SCUBE3: variants seen among roughly 807,000 people sequenced by gnomAD.
The protein encoded by SCUBE3 is signal peptide, CUB and EGF-like domain-containing protein 3.
In SCUBE3, 33 loss-of-function variants were observed where a neutral mutation model predicts 116.8. The observed-to-expected ratio is 0.28, with a 90% confidence interval of 0.21 to 0.38. SCUBE3 has a LOEUF of 0.38. SCUBE3 is among the 10% of genes least tolerant of loss of function. The pLI is 1.00. For missense variants in SCUBE3, 1,007 were observed against 1,324.8 expected (o/e 0.76, Z 3.72); for synonymous variants, 418 against 496.9 (o/e 0.84, Z 2.11).
rs1562055118 is a variant in SCUBE3 at position 35,241,014 on chromosome 6, G to A, written c.1070-127G>A. On this transcript the variant is annotated intron_variant, in intron 9 of 21. Transcript: ENST00000274938. The surrounding 1 kb of genome is among the most constrained non-coding windows in gnomAD (Gnocchi z 4.1). The stretch of plus-strand genomic sequence containing the variant: ...CACACTGTTGTACAGTAGATCTCTC[G>A]AACTTATTCATCTTGCGTAATGCAG... The A allele has an allele frequency of 8.0e-6, 7 of 874,238 alleles. No individual in the cohort carries two copies. The East Asian group carries it at 9.9e-5, about 12-fold the overall frequency. 54.2% of individuals were successfully genotyped at this position (874,238 alleles called of 1,614,324 possible).
intron 1 of SCUBE3, chr6:35,222,745 G>C (rs187357275): frequency 7.9e-5 from 12 of 152,360 alleles, no homozygotes; most frequent in African/African-American, 2.9e-4. Context: ...GGTAGAGTAA[G>C]CAGTGGGGAT....
At chr6:35,216,271 C>T (rs1782887493) in intron 1 of SCUBE3, among the ~76,000 whole-genome samples, 1 of 152,240 alleles carries the variant, frequency 6.6e-6, no homozygotes, top group South Asian at 2.1e-4. Context: ...AGGGCTTCCA[C>T]TTTCATTGGA....
rs527626189 is a variant in SCUBE3 at position 35,237,680 on chromosome 6, G to A, written c.713-222G>A. Reference sequence around the variant, plus strand: ...GTCCACCTTGTTTCAATCAAGTAGGGGGCAGGGAAGTGGACTGCTTGGCTG... The same window carrying A: ...GTCCACCTTGTTTCAATCAAGTAGGAGGCAGGGAAGTGGACTGCTTGGCTG... On this transcript the variant is annotated intron_variant, in intron 6 of 21. Transcript: ENST00000274938. 3.9e-5 allele frequency among the ~76,000 whole-genome samples: 6 copies of A among 152,248 alleles called. No individual in the cohort carries two copies. The South Asian group carries it at 1.0e-3, about 26-fold the overall frequency.
rs1370747407 is a variant in SCUBE3, at chr6:35,235,879, G to A, written c.713-2023G>A. On this transcript the variant is annotated intron_variant, in intron 6 of 21. Transcript: ENST00000274938. The surrounding 1 kb of genome is among the most constrained non-coding windows in gnomAD (Gnocchi z 4.5). ...TGCCACCTGAGATAGGGGTGCGATA[G>A]GATTAGATGCCATCCCCTCCTTGGG... Among the ~76,000 whole-genome samples, 1 of 151,824 alleles carries A rather than the reference G, an allele frequency of 6.6e-6. No individual in the cohort carries two copies. The highest frequency in any genetic ancestry group is 1.5e-5 in the Non-Finnish European group (1 of 67,992).
chr6:35,244,507 C>A lies in SCUBE3; in HGVS notation c.2240-143C>A. On this transcript the variant is annotated intron_variant, in intron 17 of 21. Coordinates refer to ENST00000274938, the MANE Select transcript of SCUBE3 (RefSeq NM_152753.4). This position sits in a 1 kb window ranked among gnomAD's most constrained non-coding sequence, Gnocchi z 4.3. ...TCCGTGGGCTTAAATTCTGGCATGA[C>A]TGGGAAAGATTGAGACCCTAGAAAA... 1.3e-6 allele frequency: 1 copy of A among 743,086 alleles called. No homozygotes were observed. Among genetic ancestry groups the A allele is most frequent in the Non-Finnish European group, 2.3e-6 (1 of 437,682 alleles). 46.0% of individuals were successfully genotyped at this position (743,086 alleles called of 1,614,324 possible). A position where few individuals can be genotyped will look rare whatever the true frequency, so the allele number is the denominator to read the frequency against.
At position 35,245,535 on chromosome 6, in the gene SCUBE3, C is replaced by A; in HGVS notation, c.2599+110C>A. The A allele has an allele frequency of 1.1e-6, 1 of 885,992 alleles. No individual in the cohort carries two copies. The highest frequency in any genetic ancestry group is 1.6e-5 in the African/African-American group (1 of 60,708). The allele number at this position is 885,992 out of a possible 1,614,324, so 54.9% of individuals were successfully genotyped here. A position where few individuals can be genotyped will look rare whatever the true frequency, so the allele number is the denominator to read the frequency against. On this transcript the variant is annotated intron_variant, in intron 19 of 21. Transcript: ENST00000274938. The surrounding 1 kb of genome is among the most constrained non-coding windows in gnomAD (Gnocchi z 4.2). ...GAAATGGGGCAGTGAAGTTAGGGATCTATGAGGGTGAAATAGTGAGAGGCC... is the reference window on the plus strand; with the variant it reads ...GAAATGGGGCAGTGAAGTTAGGGATATATGAGGGTGAAATAGTGAGAGGCC...
Position 35,245,120 on chromosome 6 carries a change from T to C in SCUBE3, c.2402-108T>C, listed in dbSNP as rs1032745086. 6 of 998,818 alleles carry C rather than the reference T, an allele frequency of 6.0e-6. No individual in the cohort carries two copies. The highest frequency in any genetic ancestry group is 7.8e-6 in the Non-Finnish European group (5 of 644,430). The allele number at this position is 998,818 out of a possible 1,614,324, so 61.9% of individuals were successfully genotyped here. A position where few individuals can be genotyped will look rare whatever the true frequency, so the allele number is the denominator to read the frequency against. On this transcript the variant is annotated intron_variant, in intron 18 of 21. Coordinates refer to ENST00000274938, the MANE Select transcript of SCUBE3 (RefSeq NM_152753.4). The surrounding 1 kb of genome is among the most constrained non-coding windows in gnomAD (Gnocchi z 4.2). ...AATAATGATGAACTAGAACGCAGAC[T>C]TCCCATAAATGTCTGACCTCTACTT...
chr6:35,239,534 T>C lies in SCUBE3; in HGVS notation c.830-218T>C, dbSNP rs886969539. Among the ~76,000 whole-genome samples the C allele has an allele frequency of 6.6e-6, 1 of 152,024 alleles. No homozygotes were observed. The highest frequency in any genetic ancestry group is 1.5e-5 in the Non-Finnish European group (1 of 68,008). Reference sequence around the variant, plus strand: ...TCAATCCCAGAAGAGAGGGTGTTACTAATGGCCACAGATCCCCTGAACAGG... The same window carrying C: ...TCAATCCCAGAAGAGAGGGTGTTACCAATGGCCACAGATCCCCTGAACAGG... On this transcript the variant is annotated intron_variant, in intron 7 of 21. Coordinates refer to ENST00000274938, the MANE Select transcript of SCUBE3 (RefSeq NM_152753.4). The surrounding 1 kb of genome is among the most constrained non-coding windows in gnomAD (Gnocchi z 4.1).
rs1428968466 is a variant in SCUBE3 at position 35,241,608 on chromosome 6, A to C, written c.1261A>C (p.Lys421Gln). Residue 421 changes from lysine (K) to glutamine (Q), a missense_variant, in exon 11 of 22, where the codon AAG becomes CAG. Physicochemically the swap from Lys to Gln is moderately conservative, Grantham distance 53. Transcript: ENST00000274938. The surrounding 1 kb of genome is among the most constrained non-coding windows in gnomAD (Gnocchi z 4.1). ...CATGCTCAGCTGCAACCGGTCTGGCAAGAAGGACACCTGTGCCCTGACCTG... is the reference window on the plus strand; with the variant it reads ...CATGCTCAGCTGCAACCGGTCTGGCCAGAAGGACACCTGTGCCCTGACCTG... Reference protein sequence around the residue: ...KAMLSCNRSGKKDTCALTCPS... With the variant: ...KAMLSCNRSGQKDTCALTCPS... 6.2e-7 allele frequency: 1 copy of C among 1,614,212 alleles called. No homozygotes were observed. The highest frequency in any genetic ancestry group is 2.2e-5 in the East Asian group (1 of 44,882).
chr6:35,225,842 A>G (rs996720012), intron 1 of SCUBE3, among the ~76,000 whole-genome samples: 3 of 152,246 alleles, frequency 2.0e-5, no homozygotes, highest in Non-Finnish European at 4.4e-5. Context: ...CAAAAAGGCT[A>G]TAATGAGTCC....
In SCUBE3 at chr6:35,214,685, C is replaced by T. The variant is rs1481460742; in HGVS notation, c.85+182C>T. Among the ~76,000 whole-genome samples, 1 of 152,210 alleles carries T rather than the reference C, an allele frequency of 6.6e-6. No homozygotes were observed. Among genetic ancestry groups the T allele is most frequent in the Non-Finnish European group, 1.5e-5 (1 of 68,030 alleles). On this transcript the variant is annotated intron_variant, in intron 1 of 21. Transcript: ENST00000274938. The surrounding 1 kb of genome is among the most constrained non-coding windows in gnomAD (Gnocchi z 6.3). ...TGGGCGCTGCGCCCCGAGCGAAAAG[C>T]CGGACAAGCTGGGGGCGGCAGAGAG...
At position 35,228,560 on chromosome 6, in the gene SCUBE3, T is replaced by C; in HGVS notation, c.209-54T>C. ...ACAACCATAAGGCTGAGTCTGGGGG[T>C]GGACAGTGGGTTCGCAGGTGGGTTC... On this transcript the variant is annotated intron_variant, in intron 2 of 21. Transcript: ENST00000274938. The surrounding 1 kb of genome is among the most constrained non-coding windows in gnomAD (Gnocchi z 4.9). 1 of 1,599,292 alleles carries C rather than the reference T, an allele frequency of 6.3e-7. No homozygotes were observed. Among genetic ancestry groups the C allele is most frequent in the East Asian group, 2.2e-5 (1 of 44,586 alleles).
In SCUBE3 at chr6:35,214,329, C is replaced by G; in HGVS notation, c.-90C>G. Reference sequence around the variant, plus strand: ...GCCCCGGCGGGGCGCCCCCTCCCCTCCCCCTCCTGCGAGCTGGGATCCGGC... The same window carrying G: ...GCCCCGGCGGGGCGCCCCCTCCCCTGCCCCTCCTGCGAGCTGGGATCCGGC... On this transcript the variant is annotated 5_prime_UTR_variant, in exon 1 of 22. Coordinates refer to ENST00000274938, the MANE Select transcript of SCUBE3 (RefSeq NM_152753.4). The surrounding 1 kb of genome is among the most constrained non-coding windows in gnomAD (Gnocchi z 6.3). 1.3e-6 allele frequency: 1 copy of G among 764,070 alleles called. No homozygotes were observed. Among genetic ancestry groups the G allele is most frequent in the Non-Finnish European group, 1.8e-6 (1 of 549,660 alleles). 47.3% of individuals were successfully genotyped at this position (764,070 alleles called of 1,614,324 possible).
In SCUBE3 at chr6:35,239,465, C is replaced by T. The variant is rs151074979; in HGVS notation, c.830-287C>T. ...CCTCCTCTAGGTAATTCCCTGAGGGCCTGTTCCTAGTTTTGGTTCCAATTT... is the reference window on the plus strand; with the variant it reads ...CCTCCTCTAGGTAATTCCCTGAGGGTCTGTTCCTAGTTTTGGTTCCAATTT... On this transcript the variant is annotated intron_variant, in intron 7 of 21. Coordinates refer to ENST00000274938, the MANE Select transcript of SCUBE3 (RefSeq NM_152753.4). The surrounding 1 kb of genome is among the most constrained non-coding windows in gnomAD (Gnocchi z 4.1). 6.6e-6 allele frequency among the ~76,000 whole-genome samples: 1 copy of T among 152,292 alleles called. No individual in the cohort carries two copies. The highest frequency in any genetic ancestry group is 1.5e-5 in the Non-Finnish European group (1 of 68,028).
At chr6:35,227,346 T>C (rs1783370180) in intron 1 of SCUBE3, among the ~76,000 whole-genome samples, 1 of 152,244 alleles carries the variant, frequency 6.6e-6, no homozygotes, top group Non-Finnish European at 1.5e-5. Context: ...GATGGAGTTT[T>C]AGCTGTCACT....
rs1158205110 is a variant in SCUBE3 at position 35,252,847 on chromosome 6, T to TG, written c.*4145dup. The TG allele has an allele frequency of 6.6e-6, 1 of 152,172 alleles. No individual in the cohort carries two copies. The highest frequency in any genetic ancestry group is 1.5e-5 in the Non-Finnish European group (1 of 68,022). 9.4% of individuals were successfully genotyped at this position (152,172 alleles called of 1,614,324 possible). A position where few individuals can be genotyped will look rare whatever the true frequency, so the allele number is the denominator to read the frequency against. On this transcript the variant is annotated 3_prime_UTR_variant, in exon 22 of 22. Transcript: ENST00000274938. ...AAGTTTCAGAATAATCATCGCCATGTGGGAGGCTTTTTGTTAAATGCAGAA... is the reference window on the plus strand; with the variant it reads ...AAGTTTCAGAATAATCATCGCCATGTGGGGAGGCTTTTTGTTAAATGCAGAA...
Position 35,232,067 on chromosome 6 carries a change from T to C in SCUBE3, c.469+208T>C, listed in dbSNP as rs565407030. ...TGGGGAAATTACTTTGAGGTTGGGA[T>C]CAATATGGGATTAAGGCTACTATGG... is the stretch of plus-strand genomic sequence containing the variant. On this transcript the variant is annotated intron_variant, in intron 4 of 21. Transcript: ENST00000274938. This position sits in a 1 kb window ranked among gnomAD's most constrained non-coding sequence, Gnocchi z 4.2. 1.3e-5 allele frequency among the ~76,000 whole-genome samples: 2 copies of C among 152,198 alleles called. No individual in the cohort carries two copies. The highest frequency in any genetic ancestry group is 2.9e-5 in the Non-Finnish European group (2 of 68,024).
At chr6:35,230,913 G>A (rs1783519940) in intron 3 of SCUBE3, among the ~76,000 whole-genome samples, 2 of 152,200 alleles carry the variant, frequency 1.3e-5, no homozygotes, top group South Asian at 4.1e-4. Flanking sequence ...GCAGTAGCTA[G>A]CATAGAGATG....
At position 35,240,576 on chromosome 6, in the gene SCUBE3, G is replaced by A; in HGVS notation, c.1069+86G>A. The A allele has an allele frequency of 3.1e-6, 2 of 645,814 alleles. No individual in the cohort carries two copies. The highest frequency in any genetic ancestry group is 2.8e-5 in the East Asian group (1 of 35,174). 40.0% of individuals were successfully genotyped at this position (645,814 alleles called of 1,614,324 possible). On this transcript the variant is annotated intron_variant, in intron 9 of 21. Transcript: ENST00000274938. The surrounding 1 kb of genome is among the most constrained non-coding windows in gnomAD (Gnocchi z 4.6). ...TGAACAGGTCCTTGTGTTGGCTTGT[G>A]GCTATGGGCAATCCCTGGATGCATG...
Sources: allele counts gnomAD v4.1 joint callset (sites outside exome capture counted in the v4.1 genomes callset), GRCh38; gene constraint gnomAD v4.1.1; non-coding constraint Gnocchi (gnomAD v3.1); transcripts MANE v1.5; gene names NCBI Gene and HGNC (gene_info 2026-07-23, HGNC 2026-07-21).